The following NOP56 variants were observed in gnomAD, a reference collection of about 807,000 sequenced individuals.
The protein encoded by NOP56 is NOP56 ribonucleoprotein, also known as nucleolar protein 56.
NOP56 carries 31 observed loss-of-function variants against 58.3 expected under a neutral mutation model. The observed-to-expected ratio is 0.53, with a 90% CI of 0.40 to 0.72. The LOEUF (loss-of-function observed/expected upper bound fraction) is 0.72. Among genes scored for constraint, NOP56 ranks in the 30% least tolerant of loss-of-function variants. The pLI is 0.00. For missense variants in NOP56, 669 were observed against 739.9 expected (o/e 0.90, Z 1.11); for synonymous variants, 313 against 282.8 (o/e 1.11, Z -1.07).
At chr20:2,654,988 CTG>C in intron 5 of NOP56, 41 bp downstream of exon 5, 1 of 1,607,910 alleles carries the variant, frequency 6.2e-7, no homozygotes, top group South Asian at 1.1e-5. Context: ...AGCCTTTGGT[CTG>C]TAGTTCAGTT....
Position 2,655,719 on chromosome 20 carries a change from C to A in NOP56, c.882C>A (p.Pro294=). 6.2e-7 allele frequency: 1 copy of A among 1,614,216 alleles called. No individual in the cohort carries two copies. The highest frequency in any genetic ancestry group is 8.5e-7 in the Non-Finnish European group (1 of 1,180,052). Residue 294 remains proline (P), a synonymous_variant, in exon 7 of 12, where the codon CCC becomes CCA. Coordinates refer to ENST00000329276, the MANE Select transcript of NOP56 (RefSeq NM_006392.4). ...GCTCCAAGATGAGCCAAGTAGCCCC[C>A]AGCCTGTCAGCCCTAATTGGGGAAG... The part of the protein sequence containing the change: ...YLRSKMSQVA[P]SLSALIGEAV...
At chr20:2,654,013 C>T (rs1231433571) in intron 3 of NOP56, among the ~76,000 whole-genome samples, 1 of 152,150 alleles carries the variant, frequency 6.6e-6, no homozygotes, top group East Asian at 1.9e-4. Flanking sequence ...GAGGTTTTGC[C>T]TAAACACAAT....
At chr20:2,657,511 T>C (rs541809642) in intron 11 of NOP56, 10 of 621,658 alleles carry the variant, frequency 1.6e-5, no homozygotes, top group Admixed American at 1.2e-4. Context: ...CCTGCTCTGC[T>C]TATTATCAGA....
In NOP56 at chr20:2,654,899, T is replaced by A; in HGVS notation, c.521T>A (p.Leu174His). The A allele has an allele frequency of 6.2e-7, 1 of 1,614,210 alleles. No individual in the cohort carries two copies. Among genetic ancestry groups the A allele is most frequent in the Non-Finnish European group, 8.5e-7 (1 of 1,180,032 alleles). The change falls in exon 5 of 12, where the codon CTC (leucine) becomes CAC (histidine). Residue 174 changes from leucine (L) to histidine (H), a missense_variant. Physicochemically the swap from Leu to His is moderately conservative, Grantham distance 99 (BLOSUM62 -3). Around this residue, in one of 3 missense-constraint regions of NOP56, gnomAD observed 339 missense variants for 430.5 expected, o/e 0.79. Coordinates refer to ENST00000329276, the MANE Select transcript of NOP56 (RefSeq NM_006392.4). Reference protein sequence around the residue: ...VDNMIIQSISLLDQLDKDINT... With the variant: ...VDNMIIQSISHLDQLDKDINT... Reference sequence around the variant, plus strand: ...AATATGATCATCCAGTCCATTAGCCTCCTGGACCAGCTGGATAAGGACATC... The same window carrying A: ...AATATGATCATCCAGTCCATTAGCCACCTGGACCAGCTGGATAAGGACATC...
intron 8 of NOP56, 37 bp downstream of exon 8, chr20:2,656,071 C>T: frequency 1.2e-6 from 2 of 1,613,952 alleles, no homozygotes; most frequent in East Asian, 2.2e-5. Flanking sequence ...TCAGGTGCCA[C>T]TTCTGGTGCC....
At position 2,654,904 on chromosome 20, in the gene NOP56, G is replaced by A. The variant is rs1452445214; in HGVS notation, c.526G>A (p.Asp176Asn). The change falls in exon 5 of 12, where the codon GAC (aspartate) becomes AAC (asparagine). Residue 176 changes from aspartate to asparagine, a missense_variant. Transcript: ENST00000329276. ...NMIIQSISLLDQLDKDINTFS... is the reference protein window; with the variant it reads ...NMIIQSISLLNQLDKDINTFS... ...GATCATCCAGTCCATTAGCCTCCTG[G>A]ACCAGCTGGATAAGGACATCAATAC... The A allele has an allele frequency of 1.9e-6, 3 of 1,614,184 alleles. No homozygotes were observed. Among genetic ancestry groups the A allele is most frequent in the Non-Finnish European group, 2.5e-6 (3 of 1,180,038 alleles).
At chr20:2,654,972 T>C (rs1849549418) in intron 5 of NOP56, 25 bp downstream of exon 5, 1 of 1,612,414 alleles carries the variant, frequency 6.2e-7, no homozygotes, top group African/African-American at 1.3e-5. Flanking sequence ...CCACCCATAA[T>C]ACTGGAGCCT....
Position 2,658,126 on chromosome 20 carries a change from C to G in NOP56, c.1617C>G (p.Pro539=). ...TSIPKRKKST[P]KEETVNDPEE... Reference sequence around the variant, plus strand: ...TTCCCAAGAGGAAGAAGTCTACACCCAAGGAGGAAACAGTTAATGACCCTG... The same window carrying G: ...TTCCCAAGAGGAAGAAGTCTACACCGAAGGAGGAAACAGTTAATGACCCTG... Residue 539 remains proline (P), a synonymous_variant, in exon 12 of 12, where the codon CCC becomes CCG. Coordinates refer to ENST00000329276, the MANE Select transcript of NOP56 (RefSeq NM_006392.4). 1.2e-6 allele frequency: 2 copies of G among 1,614,012 alleles called. No individual in the cohort carries two copies. Among genetic ancestry groups the G allele is most frequent in the African/African-American group, 2.7e-5 (2 of 75,002 alleles).
intron 11 of NOP56, 158 bp from the exon 12 acceptor site, chr20:2,657,771 C>G: frequency 1.3e-6 from 1 of 785,522 alleles, no homozygotes; most frequent in Admixed American, 2.6e-5. Flanking sequence ...TTTGGGACAG[C>G]CTTTGGGGTG....
At chr20:2,657,460 G>A (rs753464668) in intron 11 of NOP56, 34 of 707,242 alleles carry the variant, frequency 4.8e-5, no homozygotes, top group African/African-American at 2.8e-4. Context: ...TTCTGTCCTC[G>A]GCTGCCTCCC....
At chr20:2,655,194 CAT>C (rs2086801453) in intron 5 of NOP56, 129 bp from the exon 6 acceptor site, 2 of 1,251,572 alleles carry the variant, frequency 1.6e-6, no homozygotes, top group Non-Finnish European at 2.4e-6. Flanking sequence ...AATGGGGGAA[CAT>C]AGAATTGAGG....
At position 2,653,343 on chromosome 20, in the gene NOP56, C is replaced by T; in HGVS notation, c.158C>T (p.Pro53Leu). 1 of 1,614,162 alleles carries T rather than the reference C, an allele frequency of 6.2e-7. No homozygotes were observed. Among genetic ancestry groups the T allele is most frequent in the Non-Finnish European group, 8.5e-7 (1 of 1,180,032 alleles). The change falls in exon 3 of 12, where the codon CCC becomes CTC. Residue 53 changes from proline to leucine, a missense_variant. Pro to Leu is a moderately conservative substitution (Grantham distance 98). Coordinates refer to ENST00000329276, the MANE Select transcript of NOP56 (RefSeq NM_006392.4). Reference protein sequence around the residue: ...HSIVRLVAFCPFASSQVALEN... With the variant: ...HSIVRLVAFCLFASSQVALEN... ...ATCGTTCGTCTGGTGGCCTTTTGTC[C>T]CTTTGCCTCATCCCAGGTTGCCTTG...
intron 9 of NOP56, 88 bp downstream of exon 9, chr20:2,656,637 A>G (rs2086822704): frequency 1.9e-6 from 3 of 1,607,628 alleles, no homozygotes; most frequent in Non-Finnish European, 1.7e-6. Flanking sequence ...CAATGATGGC[A>G]ATATTTTTCG....
At position 2,658,168 on chromosome 20, in the gene NOP56, AAGTGGCTCCAAGAAAAAG is replaced by A. The variant is rs1320997708; in HGVS notation, c.1662_1679del (p.Ser554_Lys559del). ...ATGACCCTGAGGAGGCAGGCCACAG[AAGTGGCTCCAAGAAAAAG>A]AGGAAATTCTCCAAAGAGGAGCCGG... On this transcript the variant is annotated inframe_deletion, in exon 12 of 12. Transcript: ENST00000329276. 1.2e-6 allele frequency: 2 copies of A among 1,612,312 alleles called. No individual in the cohort carries two copies. The highest frequency in any genetic ancestry group is 1.7e-6 in the Non-Finnish European group (2 of 1,179,156).
rs147425088 is a variant in NOP56, at chr20:2,655,629, C to T, written c.792C>T (p.Ile264=). 103 of 1,614,044 alleles carry T rather than the reference C, an allele frequency of 6.4e-5. No homozygotes were observed. Among genetic ancestry groups the T allele is most frequent in the African/African-American group, 2.0e-4 (15 of 74,914 alleles). ...MDISAIDLIN[I]ESFSSRVVSL... ...TATCTGCCATTGACTTGATAAACAT[C>T]GAGAGCTTCTCCAGTCGTGTGGTGT... Residue 264 remains isoleucine (I), a synonymous_variant, in exon 7 of 12, where the codon ATC becomes ATT. Coordinates refer to ENST00000329276, the MANE Select transcript of NOP56 (RefSeq NM_006392.4).
At position 2,656,769 on chromosome 20, in the gene NOP56, T is replaced by C. The variant is rs1206391874; in HGVS notation, c.1160-5T>C. ...TGACAGGCTTTGTCACCCACACACA[T>C]CCAGAGGTGCCCACGAGTGTATTCG... On this transcript the variant is annotated splice_region_variant and splice_polypyrimidine_tract_variant and intron_variant, in intron 9 of 11. Coordinates refer to ENST00000329276, the MANE Select transcript of NOP56 (RefSeq NM_006392.4). The C allele has an allele frequency of 1.9e-6, 3 of 1,614,006 alleles. No homozygotes were observed. The highest frequency in any genetic ancestry group is 3.3e-5 in the Admixed American group (2 of 59,996).
At chr20:2,656,278 GA>G in intron 8 of NOP56, 122 bp from the exon 9 acceptor site, 1 of 1,605,714 alleles carries the variant, frequency 6.2e-7, no homozygotes, top group Non-Finnish European at 8.5e-7. Flanking sequence ...CATTGGGGTA[GA>G]GATCCAATCT....
chr20:2,656,024 G>A lies in NOP56; in HGVS notation c.1000G>A (p.Ala334Thr), dbSNP rs1195172193. 6.2e-7 allele frequency: 1 copy of A among 1,614,108 alleles called. No individual in the cohort carries two copies. Residue 334 changes from alanine (A) to threonine (T), a missense_variant, in exon 8 of 12, where the codon GCC becomes ACC. Transcript: ENST00000329276. ...AGTGCAGATCCTTGGGGCTGAAAAG[G>A]CCCTGTTCAGGTACCAGTGAGGGCA... ...STVQILGAEK[A>T]LFRALKTRGN...
intron 3 of NOP56, 137 bp downstream of exon 3, chr20:2,653,530 G>C (rs964825561): frequency 1.5e-6 from 1 of 673,106 alleles, no homozygotes; most frequent in African/African-American, 1.8e-5. Flanking sequence ...GCCATACAAT[G>C]TGTAATTTGA....
Sources: allele counts gnomAD v4.1 joint callset (sites outside exome capture counted in the v4.1 genomes callset), GRCh38; gene constraint gnomAD v4.1.1; regional missense constraint gnomAD v4.1.1; transcripts MANE v1.5; gene names NCBI Gene and HGNC (gene_info 2026-07-23, HGNC 2026-07-21).